Variants in SHROOM3 observed in about 807,000 individuals in gnomAD.
The protein encoded by SHROOM3 is protein Shroom3.
SHROOM3 carries 47 observed loss-of-function variants against 138.6 expected under a neutral mutation model. That is an observed-to-expected ratio of 0.34 (90% CI 0.27 to 0.43). SHROOM3 has a LOEUF of 0.43. SHROOM3 is among the 20% of genes least tolerant of loss of function. The pLI is 1.00. For synonymous variants in SHROOM3, 1,062 were observed against 1,063.3 expected (o/e 1.00, Z 0.02); for missense variants, 2,491 against 2,596.5 (o/e 0.96, Z 0.88).
chr4:76,608,947 T>C (rs896561509), intron 2 of SHROOM3, among the ~76,000 whole-genome samples: 1 of 152,198 alleles, frequency 6.6e-6, no homozygotes, highest in Non-Finnish European at 1.5e-5. Context: ...TCTTGGGCCC[T>C]GGACCAGCAG....
chr4:76,457,355 C>T (rs1379046329), intron 1 of SHROOM3, among the ~76,000 whole-genome samples: 1 of 152,100 alleles, frequency 6.6e-6, no homozygotes, highest in Non-Finnish European at 1.5e-5. Flanking sequence ...TTCTCCTGCT[C>T]CTTCCATGTA....
chr4:76,666,202 C>T (rs1718689895), intron 2 of SHROOM3, among the ~76,000 whole-genome samples: 1 of 152,146 alleles, frequency 6.6e-6, no homozygotes, highest in African/African-American at 2.4e-5. Flanking sequence ...TCCAGTGATA[C>T]CCCAGTGTCA....
At chr4:76,570,947 C>G (rs1356298993) in intron 2 of SHROOM3, among the ~76,000 whole-genome samples, 1 of 152,194 alleles carries the variant, frequency 6.6e-6, no homozygotes, top group Non-Finnish European at 1.5e-5. Flanking sequence ...GACTGGATTA[C>G]TGAGCATTCA....
intron 2 of SHROOM3, among the ~76,000 whole-genome samples, chr4:76,641,468 C>G (rs573057063): frequency 3.3e-5 from 5 of 152,142 alleles, no homozygotes; most frequent in South Asian, 2.1e-4. Context: ...AGGAAGGAAG[C>G]CTTTGTGTAC....
intron 7 of SHROOM3, among the ~76,000 whole-genome samples, chr4:76,755,977 C>T (rs1204645579): frequency 1.3e-5 from 2 of 152,210 alleles, no homozygotes; most frequent in Non-Finnish European, 2.9e-5. Context: ...CTACCACTAC[C>T]CCTGTTAACC....
chr4:76,584,083 G>A (rs1049425418), intron 2 of SHROOM3, among the ~76,000 whole-genome samples: 6 of 152,218 alleles, frequency 3.9e-5, no homozygotes, highest in African/African-American at 1.4e-4. Flanking sequence ...GGGAGGCTGA[G>A]GCGGGCAGAT....
chr4:76,626,145 T>A (rs977296934), intron 2 of SHROOM3, among the ~76,000 whole-genome samples: 1 of 152,190 alleles, frequency 6.6e-6, no homozygotes, highest in Non-Finnish European at 1.5e-5. Flanking sequence ...AGGAAGCACG[T>A]ACGTAGGGCT....
rs929070045 is a variant in SHROOM3 at position 76,706,062 on chromosome 4, G to A, written c.324-4094G>A. 5.3e-5 allele frequency among the ~76,000 whole-genome samples: 8 copies of A among 152,254 alleles called. No homozygotes were observed. In the South Asian group the frequency reaches 1.2e-3, roughly 24 times the overall value. Reference sequence around the variant, plus strand: ...ATATTTTGTATGTCATATGCATTACGTACTGTATTCTTTCAACAAAGTATG... The same window carrying A: ...ATATTTTGTATGTCATATGCATTACATACTGTATTCTTTCAACAAAGTATG... On this transcript the variant is annotated intron_variant, in intron 2 of 10. Coordinates refer to ENST00000296043, the MANE Select transcript of SHROOM3 (RefSeq NM_020859.4).
At chr4:76,635,264 T>C (rs1689328015) in intron 2 of SHROOM3, among the ~76,000 whole-genome samples, 1 of 152,190 alleles carries the variant, frequency 6.6e-6, no homozygotes, top group South Asian at 2.1e-4. Context: ...TAGCTCCAGC[T>C]TCTGCTAACT....
In SHROOM3 at chr4:76,740,867, A is replaced by C. The variant is rs1721227056; in HGVS notation, c.2694A>C (p.Pro898=). 1.3e-6 allele frequency: 2 copies of C among 1,556,448 alleles called. No individual in the cohort carries two copies. The highest frequency in any genetic ancestry group is 1.4e-5 in the African/African-American group (1 of 72,944). The change falls in exon 5 of 11, where the codon CCA becomes CCC. Residue 898 remains proline (P), a synonymous_variant. Transcript: ENST00000296043. This position sits in a 1 kb window ranked among gnomAD's most constrained non-coding sequence, Gnocchi z 4.0. ...SQSTFQLSSE[P]EREPEWRDRP... ...GCACCTTCCAGCTCTCCAGCGAGCC[A>C]GAGAGGGAGCCCGAGTGGCGGGACA...
At chr4:76,723,562 A>G (rs1720612845) in intron 3 of SHROOM3, among the ~76,000 whole-genome samples, 1 of 152,168 alleles carries the variant, frequency 6.6e-6, no homozygotes, top group Non-Finnish European at 1.5e-5. Context: ...CTATATGAGA[A>G]TATCTTGTTT....
rs60371495 is a variant in SHROOM3 at position 76,519,518 on chromosome 4, A to G, written c.169-36091A>G. ...ATGTCCTAAAGCAAGAATCAGGAAG[A>G]TAATGAATCGCAGTTGGTCTCATTT... On this transcript the variant is annotated intron_variant, in intron 1 of 10. Coordinates refer to ENST00000296043, the MANE Select transcript of SHROOM3 (RefSeq NM_020859.4). Among the ~76,000 whole-genome samples the G allele has an allele frequency of 9.6e-3, 1,459 of 152,330 alleles. 31 individuals carry two copies. Among genetic ancestry groups the G allele is most frequent in the African/African-American group, 0.033 (1,390 of 41,570 alleles).
At chr4:76,490,083 A>T (rs1731818625) in intron 1 of SHROOM3, among the ~76,000 whole-genome samples, 2 of 152,154 alleles carry the variant, frequency 1.3e-5, no homozygotes, top group South Asian at 4.1e-4. Flanking sequence ...GTAGCATGCA[A>T]TCAGTCTGAT....
chr4:76,690,608 C>G (rs868335693), intron 2 of SHROOM3, among the ~76,000 whole-genome samples: 3 of 152,174 alleles, frequency 2.0e-5, no homozygotes, highest in African/African-American at 7.2e-5. Flanking sequence ...GTTAAAAGCA[C>G]CCTGGTCGGA....
chr4:76,521,702 A>G (rs1488638696), intron 1 of SHROOM3, among the ~76,000 whole-genome samples: 2 of 152,216 alleles, frequency 1.3e-5, no homozygotes, highest in African/African-American at 2.4e-5. Flanking sequence ...GAAGTTGTAC[A>G]TGTTGCCAAA....
intron 1 of SHROOM3, among the ~76,000 whole-genome samples, chr4:76,551,971 C>G (rs1381666150): frequency 6.7e-6 from 1 of 149,774 alleles, no homozygotes; most frequent in Non-Finnish European, 1.5e-5. Context: ...ACGCCATTCT[C>G]CTGCCTCAGC....
Position 76,559,948 on chromosome 4 carries a change from A to C in SHROOM3, c.323+4185A>C, listed in dbSNP as rs375913618. On this transcript the variant is annotated intron_variant, in intron 2 of 10. Coordinates refer to ENST00000296043, the MANE Select transcript of SHROOM3 (RefSeq NM_020859.4). ...TGTGTCTGCTGCTTGATACACGAAGAGTGAAGGTTAACAGCTAGTAGTGGA... is the reference window on the plus strand; with the variant it reads ...TGTGTCTGCTGCTTGATACACGAAGCGTGAAGGTTAACAGCTAGTAGTGGA... Among the ~76,000 whole-genome samples, 104 of 152,314 alleles carry C rather than the reference A, an allele frequency of 6.8e-4. 1 individual carries two copies. The Middle Eastern group carries it at 0.01, about 15-fold the overall frequency.
chr4:76,597,140 C>T (rs139388542), intron 2 of SHROOM3, among the ~76,000 whole-genome samples: 228 of 152,330 alleles, frequency 1.5e-3, no homozygotes, highest in African/African-American at 5.4e-3. Context: ...AAAGAGACCA[C>T]CCTACTGACA....
chr4:76,489,961 G>C (rs1009401976), intron 1 of SHROOM3, among the ~76,000 whole-genome samples: 1 of 152,172 alleles, frequency 6.6e-6, no homozygotes, highest in Non-Finnish European at 1.5e-5. Flanking sequence ...CCACAGTGTG[G>C]GGGCGGGCTG....
Sources: allele counts gnomAD v4.1 joint callset (sites outside exome capture counted in the v4.1 genomes callset), GRCh38; gene constraint gnomAD v4.1.1; non-coding constraint Gnocchi (gnomAD v3.1); transcripts MANE v1.5; gene names NCBI Gene and HGNC (gene_info 2026-07-23, HGNC 2026-07-21).